Variants in SLCO3A1 observed in about 807,000 individuals in gnomAD.
SLCO3A1 encodes the protein PGE1 transporter.
SLCO3A1 carries 27 observed loss-of-function variants against 63.1 expected under a neutral mutation model. That is an observed-to-expected ratio of 0.43 (90% CI 0.32 to 0.59). SLCO3A1 has a LOEUF of 0.59. Ranked by LOEUF, SLCO3A1 falls within the 20% of genes least tolerant of loss-of-function variation. The pLI, the probability that SLCO3A1 is intolerant of heterozygous loss-of-function variation, is 0.09. For missense variants in SLCO3A1, 773 were observed against 945.8 expected (o/e 0.82, Z 2.40); for synonymous variants, 473 against 409.9 (o/e 1.15, Z -1.86).
intron 4 of SLCO3A1, among the ~76,000 whole-genome samples, chr15:92,106,476 T>C (rs938097348): frequency 2.0e-5 from 3 of 152,128 alleles, no homozygotes; most frequent in African/African-American, 7.2e-5. Context: ...TCCTGGTAAC[T>C]AGACCCCTAG....
intron 2 of SLCO3A1, among the ~76,000 whole-genome samples, chr15:92,084,196 C>T (rs1194849413): frequency 6.6e-6 from 1 of 152,142 alleles, no homozygotes; most frequent in Admixed American, 6.5e-5. Context: ...TAATCCTTTA[C>T]ATGATCCTGT....
chr15:92,079,285 C>T (rs759316661), intron 2 of SLCO3A1, among the ~76,000 whole-genome samples: 3 of 152,212 alleles, frequency 2.0e-5, no homozygotes, highest in Non-Finnish European at 2.9e-5. Flanking sequence ...CCCACATGAT[C>T]CCCACTCTGG....
chr15:92,146,662 C>G (rs1232962180), intron 7 of SLCO3A1, among the ~76,000 whole-genome samples: 1 of 152,162 alleles, frequency 6.6e-6, no homozygotes, highest in Non-Finnish European at 1.5e-5. Flanking sequence ...AACGTTTTAT[C>G]ATATTGTGGA....
rs1348900078 is a variant in SLCO3A1, at chr15:91,872,134, C to T, written c.180+18046C>T. Among the ~76,000 whole-genome samples the T allele has an allele frequency of 2.0e-5, 3 of 152,056 alleles. No individual in the cohort carries two copies. Among genetic ancestry groups the T allele is most frequent in the Non-Finnish European group, 4.4e-5 (3 of 68,000 alleles). ...CTTCGTCGAGGATGTGGTGTGTGCC[C>T]GGGAGGACACAAGCAGTCTGATCGA... On this transcript the variant is annotated intron_variant, in intron 1 of 9. Transcript: ENST00000318445. The surrounding 1 kb of genome is among the most constrained non-coding windows in gnomAD (Gnocchi z 4.1).
chr15:92,022,846 C>A (rs2046527246), intron 2 of SLCO3A1, among the ~76,000 whole-genome samples: 1 of 152,114 alleles, frequency 6.6e-6, no homozygotes, highest in Admixed American at 6.5e-5. Flanking sequence ...AGAAGAAGGG[C>A]AGAAAAGGCA....
intron 2 of SLCO3A1, among the ~76,000 whole-genome samples, chr15:91,935,187 C>T (rs1331495298): frequency 3.9e-5 from 6 of 152,146 alleles, no homozygotes; most frequent in Middle Eastern, 3.2e-3. Context: ...CTCTTGACTT[C>T]GTGATCTGCC....
At chr15:91,910,009 C>T (rs1312509361) in intron 1 of SLCO3A1, among the ~76,000 whole-genome samples, 1 of 152,166 alleles carries the variant, frequency 6.6e-6, no homozygotes, top group Non-Finnish European at 1.5e-5. Flanking sequence ...TGCTCAAGAA[C>T]CTCCCTTCGC....
rs1337765120 is a variant in SLCO3A1 at position 91,952,323 on chromosome 15, A to G, written c.646+35865A>G. Among the ~76,000 whole-genome samples the G allele has an allele frequency of 3.9e-5, 6 of 152,246 alleles. No homozygotes were observed. The South Asian group carries it at 1.0e-3, about 26-fold the overall frequency. ...ATCCTGTGGGTTGCCTTAAGTATAC[A>G]TTCAAACTAGTACCTTTCACTAGAA... On this transcript the variant is annotated intron_variant, in intron 2 of 9. Transcript: ENST00000318445.
intron 2 of SLCO3A1, among the ~76,000 whole-genome samples, chr15:91,922,433 G>C (rs368825662): frequency 2.0e-5 from 3 of 152,182 alleles, no homozygotes; most frequent in African/African-American, 7.2e-5. Flanking sequence ...CTGTGTTTCC[G>C]TTAATAATGC....
intron 2 of SLCO3A1, among the ~76,000 whole-genome samples, chr15:91,971,437 C>T (rs1008541458): frequency 2.2e-5 from 3 of 136,118 alleles, no homozygotes; most frequent in Non-Finnish European, 3.2e-5. Flanking sequence ...TGTTTCAGCT[C>T]TCATGCTGTA....
In SLCO3A1 at chr15:92,164,892, G is replaced by A; in HGVS notation, c.*1757G>A. The A allele has an allele frequency of 1.0e-6, 1 of 985,394 alleles. No individual in the cohort carries two copies. The highest frequency in any genetic ancestry group is 1.2e-6 in the Non-Finnish European group (1 of 829,932). 61.0% of individuals were successfully genotyped at this position (985,394 alleles called of 1,614,324 possible). A position where few individuals can be genotyped will look rare whatever the true frequency, so the allele number is the denominator to read the frequency against. ...TCATACACACACAACAAAGGGCCCT[G>A]CTAACTTACTCCTCATGCTGCTTCA... is the stretch of plus-strand genomic sequence containing the variant. On this transcript the variant is annotated 3_prime_UTR_variant, in exon 10 of 10. Transcript: ENST00000318445.
intron 2 of SLCO3A1, among the ~76,000 whole-genome samples, chr15:91,928,219 T>A (rs1899099706): frequency 6.6e-6 from 1 of 152,238 alleles, no homozygotes; most frequent in Non-Finnish European, 1.5e-5. Context: ...GTTTGAATAG[T>A]GACCATAATA....
At chr15:92,134,712 T>C (rs959717080) in intron 7 of SLCO3A1, among the ~76,000 whole-genome samples, 3 of 152,242 alleles carry the variant, frequency 2.0e-5, no homozygotes, top group Non-Finnish European at 4.4e-5. Flanking sequence ...ATTTCAAAAA[T>C]ATCTAAAATG....
chr15:92,029,502 CAT>C (rs2046619360), intron 2 of SLCO3A1, among the ~76,000 whole-genome samples: 1 of 152,210 alleles, frequency 6.6e-6, no homozygotes, highest in Non-Finnish European at 1.5e-5. Flanking sequence ...GGCAAAGACT[CAT>C]GTGAACATTT....
chr15:91,977,130 C>T (rs1161360584), intron 2 of SLCO3A1, among the ~76,000 whole-genome samples: 1 of 152,144 alleles, frequency 6.6e-6, no homozygotes, highest in Non-Finnish European at 1.5e-5. Context: ...ATTTTTGCTA[C>T]ATGTCATGAA....
Position 92,053,703 on chromosome 15 carries a change from T to TTG in SLCO3A1, c.647-41177_647-41176insGT, listed in dbSNP as rs1471492353. Among the ~76,000 whole-genome samples the TTG allele has an allele frequency of 5.2e-4, 79 of 151,152 alleles. 1 individual carries two copies. The highest frequency in any genetic ancestry group is 3.4e-3 in the Middle Eastern group (1 of 292). ...TTTTTTGTTTGTTTGTTTGTTTTTT[T>TTG]TTTTTTTACTTCTCATGGTTAAACT... On this transcript the variant is annotated intron_variant, in intron 2 of 9. Transcript: ENST00000318445.
chr15:91,905,916 C>T (rs1898291078), intron 1 of SLCO3A1, among the ~76,000 whole-genome samples: 1 of 152,170 alleles, frequency 6.6e-6, no homozygotes, highest in Admixed American at 6.5e-5. Context: ...CTGATAGGCC[C>T]ATTAGCCTTC....
intron 2 of SLCO3A1, among the ~76,000 whole-genome samples, chr15:92,016,245 A>ATAGAT (rs1555424433): frequency 1.1e-4 from 6 of 55,048 alleles, no homozygotes; most frequent in South Asian, 5.2e-4. Context: ...AGATAGATAG[A>ATAGAT]TAGATAGATT....
At chr15:91,925,478 T>C (rs1460170137) in intron 2 of SLCO3A1, among the ~76,000 whole-genome samples, 1 of 150,764 alleles carries the variant, frequency 6.6e-6, no homozygotes, top group South Asian at 2.1e-4. Flanking sequence ...GTACCTTGTT[T>C]TTTTTTTTTT....
Sources: gnomAD v4.1 joint callset for allele counts (sites outside exome capture counted in the v4.1 genomes callset) on GRCh38, gnomAD v4.1.1 for gene constraint, Gnocchi (gnomAD v3.1) non-coding constraint, MANE v1.5 for transcripts, NCBI Gene and HGNC (gene_info 2026-07-23, HGNC 2026-07-21) for gene names.